NRG3: variants seen among roughly 807,000 people sequenced by gnomAD.
NRG3 encodes the protein pro-neuregulin-3, membrane-bound isoform.
NRG3 carries 31 observed loss-of-function variants against 66.9 expected under a neutral mutation model. The ratio of observed to expected loss-of-function variants is 0.46; its 90% CI spans 0.35 to 0.63. The LOEUF is 0.63. Ranked by LOEUF, NRG3 falls within the 20% of genes least tolerant of loss-of-function variation. NRG3 has a pLI of 0.00. For missense variants in NRG3, 910 were observed against 878.9 expected, an observed-to-expected ratio of 1.04 and a Z score of -0.45; for synonymous variants, 393 against 359.4, an observed-to-expected ratio of 1.09 and a Z score of -1.06.
At chr10:82,043,855 C>T (rs1034800969) in intron 1 of NRG3, among the ~76,000 whole-genome samples, 1 of 151,964 alleles carries the variant, frequency 6.6e-6, no homozygotes, top group Non-Finnish European at 1.5e-5. Flanking sequence ...CAGTTAAGTT[C>T]CTGCTGCATA....
intron 1 of NRG3, among the ~76,000 whole-genome samples, chr10:82,016,972 A>G (rs2061811826): frequency 6.6e-6 from 1 of 152,250 alleles, no homozygotes; most frequent in Non-Finnish European, 1.5e-5. Flanking sequence ...TCTAGGGTAC[A>G]TGTGCACAAC....
intron 1 of NRG3, among the ~76,000 whole-genome samples, chr10:81,882,192 A>G (rs1037704276): frequency 1.3e-5 from 2 of 152,218 alleles, no homozygotes; most frequent in Non-Finnish European, 2.9e-5. Context: ...AGCAGAGTGT[A>G]GGTTTCCTTG....
intron 1 of NRG3, among the ~76,000 whole-genome samples, chr10:82,148,955 G>A (rs913188405): frequency 3.9e-5 from 6 of 151,968 alleles, no homozygotes; most frequent in Admixed American, 2.6e-4. Flanking sequence ...ACCACAGGTG[G>A]GGGTGAGATG....
chr10:82,972,012 G>A (rs1017894188), intron 6 of NRG3, among the ~76,000 whole-genome samples: 1 of 152,064 alleles, frequency 6.6e-6, no homozygotes, highest in Non-Finnish European at 1.5e-5. Context: ...GATATTCAGT[G>A]TATGAATCTG....
chr10:82,199,879 T>C (rs1589289961), intron 1 of NRG3, among the ~76,000 whole-genome samples: 1 of 113,758 alleles, frequency 8.8e-6, no homozygotes, highest in Non-Finnish European at 1.9e-5. Context: ...TGTGCATGTG[T>C]GTGTGTGTGC....
chr10:82,931,122 G>T lies in NRG3; in HGVS notation c.1055-20347G>T, dbSNP rs896411342. 5.9e-5 allele frequency among the ~76,000 whole-genome samples: 9 copies of T among 152,210 alleles called. No homozygotes were observed. In the East Asian group the frequency reaches 1.5e-3, roughly 26 times the overall value. ...TCCCCTCCACTAACTGCTTTGTTCT[G>T]CTCCCTCTTGCAGTACCAATACTAT... On this transcript the variant is annotated intron_variant, in intron 4 of 8. Coordinates refer to ENST00000372141, the MANE Select transcript of NRG3 (RefSeq NM_001010848.4).
intron 3 of NRG3, among the ~76,000 whole-genome samples, chr10:82,784,296 G>A (rs946854840): frequency 6.6e-6 from 1 of 151,276 alleles, no homozygotes; most frequent in Non-Finnish European, 1.5e-5. Flanking sequence ...ACATAGGCAT[G>A]GGCAAGGACT....
chr10:81,939,736 A>G (rs1848241103), intron 1 of NRG3, among the ~76,000 whole-genome samples: 2 of 136,856 alleles, frequency 1.5e-5, no homozygotes, highest in Non-Finnish European at 3.2e-5. Context: ...ACTCTTGTTG[A>G]TTTTTTCCTA....
chr10:82,881,223 A>T (rs1842271110), intron 4 of NRG3, among the ~76,000 whole-genome samples: 1 of 152,268 alleles, frequency 6.6e-6, no homozygotes, highest in Non-Finnish European at 1.5e-5. Context: ...TTTAAAGCCA[A>T]GTTCCTATTG....
intron 2 of NRG3, among the ~76,000 whole-genome samples, chr10:82,435,231 T>C (rs1473414144): frequency 1.3e-5 from 2 of 152,212 alleles, no homozygotes; most frequent in East Asian, 1.9e-4. Context: ...TTTATTTGCA[T>C]AGAGGTGTTT....
At chr10:82,305,120 G>A (rs928489356) in intron 1 of NRG3, among the ~76,000 whole-genome samples, 2 of 147,004 alleles carry the variant, frequency 1.4e-5, no homozygotes, top group East Asian at 2.1e-4. Flanking sequence ...TCAGCCTCCC[G>A]AGTAGCTGGG....
At chr10:82,000,602 T>A (rs2061124647) in intron 1 of NRG3, among the ~76,000 whole-genome samples, 1 of 152,178 alleles carries the variant, frequency 6.6e-6, no homozygotes, top group Admixed American at 6.6e-5. Flanking sequence ...CAAGTCAACT[T>A]ACTTATGTAA....
At chr10:82,824,281 G>A (rs1231194377) in intron 3 of NRG3, among the ~76,000 whole-genome samples, 1 of 152,118 alleles carries the variant, frequency 6.6e-6, no homozygotes, top group Admixed American at 6.5e-5. Context: ...ATCAACTGAT[G>A]GGCATCTTTC....
intron 3 of NRG3, among the ~76,000 whole-genome samples, chr10:82,830,810 T>C (rs966312151): frequency 3.9e-5 from 6 of 152,062 alleles, no homozygotes; most frequent in African/African-American, 1.4e-4. Flanking sequence ...TAAGGTTGAG[T>C]TCCTAAAGCC....
chr10:82,431,251 C>G (rs1365629570), intron 2 of NRG3, among the ~76,000 whole-genome samples: 1 of 152,078 alleles, frequency 6.6e-6, no homozygotes, highest in Non-Finnish European at 1.5e-5. Flanking sequence ...CCAAAGAGAT[C>G]AACTAGTAAC....
At chr10:82,823,527 G>C (rs1454166245) in intron 3 of NRG3, among the ~76,000 whole-genome samples, 6 of 152,264 alleles carry the variant, frequency 3.9e-5, no homozygotes, top group African/African-American at 1.4e-4. Context: ...TATGTGGTCA[G>C]AATGGTGCAC....
At chr10:82,476,577 A>C (rs913094765) in intron 2 of NRG3, among the ~76,000 whole-genome samples, 2 of 152,224 alleles carry the variant, frequency 1.3e-5, no homozygotes, top group African/African-American at 4.8e-5. Flanking sequence ...TCTTGAAGAC[A>C]TTATGCTAAG....
chr10:81,962,690 C>T (rs758034353), intron 1 of NRG3, among the ~76,000 whole-genome samples: 37 of 152,138 alleles, frequency 2.4e-4, no homozygotes, highest in Non-Finnish European at 4.1e-4. Context: ...GCTTGGCTAG[C>T]GGAGTAGTCT....
chr10:82,134,846 G>C (rs953135933), intron 1 of NRG3, among the ~76,000 whole-genome samples: 4 of 152,016 alleles, frequency 2.6e-5, no homozygotes, highest in Admixed American at 2.0e-4. Flanking sequence ...ATTTCAGCCA[G>C]ACATGGTGGC....
Sources: allele counts gnomAD v4.1 joint callset (sites outside exome capture counted in the v4.1 genomes callset), GRCh38; gene constraint gnomAD v4.1.1; transcripts MANE v1.5; gene names NCBI Gene and HGNC (gene_info 2026-07-23, HGNC 2026-07-21).